CALN1: variants seen among roughly 807,000 people sequenced by gnomAD.
The protein encoded by CALN1 is calneuron 1.
In CALN1, 17 loss-of-function variants were observed where a neutral mutation model predicts 30.6. That is an observed-to-expected ratio of 0.56 (90% CI 0.38 to 0.83). CALN1 has a LOEUF of 0.83. Among genes scored for constraint, CALN1 ranks in the 40% least tolerant of loss-of-function variants. CALN1 has a pLI of 0.00. For missense variants in CALN1, 291 were observed against 354.9 expected (o/e 0.82, Z 1.45); for synonymous variants, 156 against 131.4 (o/e 1.19, Z -1.28).
intron 5 of CALN1, among the ~76,000 whole-genome samples, chr7:71,840,089 G>A (rs756488491): frequency 7.9e-5 from 12 of 152,148 alleles, no homozygotes; most frequent in Non-Finnish European, 1.5e-4. Flanking sequence ...TTTGTTTTCT[G>A]AGATATTTTC....
rs533021660 is a variant in CALN1 at position 72,206,612 on chromosome 7, T to G, written c.244+72074A>C. Among the ~76,000 whole-genome samples the G allele has an allele frequency of 3.4e-4, 52 of 152,302 alleles. No individual in the cohort carries two copies. In the South Asian group the frequency reaches 6.0e-3, roughly 18 times the overall value. On this transcript the variant is annotated intron_variant, in intron 3 of 6. Coordinates refer to ENST00000395275, the MANE Select transcript of CALN1 (RefSeq NM_031468.4). ...CCTTTATTGTGTTTATTCTTTTATT[T>G]ATTTCTTTTCTTGTTTCATTGCCTA...
chr7:71,806,023 G>A (rs890126320), intron 6 of CALN1, among the ~76,000 whole-genome samples: 34 of 152,158 alleles, frequency 2.2e-4, no homozygotes, highest in East Asian at 5.8e-4. Flanking sequence ...ACTCATAAGC[G>A]GGAGCTGAAC....
chr7:71,884,278 G>A (rs1347389434), intron 5 of CALN1, among the ~76,000 whole-genome samples: 1 of 152,018 alleles, frequency 6.6e-6, no homozygotes, highest in African/African-American at 2.4e-5. Context: ...GCATAGACCC[G>A]CCCACCTTGA....
intron 2 of CALN1, among the ~76,000 whole-genome samples, chr7:72,371,457 A>G (rs1804237618): frequency 6.6e-6 from 1 of 152,034 alleles, no homozygotes; most frequent in South Asian, 2.1e-4. Flanking sequence ...ATGAGATCTG[A>G]TGGTTTTATA....
At chr7:72,048,026 C>T (rs1052535653) in intron 4 of CALN1, among the ~76,000 whole-genome samples, 14 of 142,942 alleles carry the variant, frequency 9.8e-5, no homozygotes, top group African/African-American at 3.7e-4. Context: ...ATTCATATTG[C>T]TTCTTCTTCT....
At chr7:72,249,094 G>A (rs528978351) in intron 3 of CALN1, among the ~76,000 whole-genome samples, 1 of 152,250 alleles carries the variant, frequency 6.6e-6, no homozygotes, top group Admixed American at 6.5e-5. Flanking sequence ...TGTGCTAAAA[G>A]GCAACTAGAC....
intron 5 of CALN1, among the ~76,000 whole-genome samples, chr7:71,894,481 G>T (rs1358957862): frequency 6.6e-6 from 1 of 152,144 alleles, no homozygotes; most frequent in Admixed American, 6.5e-5. Context: ...TGCCCAGGTT[G>T]TTCTCAAACT....
At chr7:72,123,582 T>C (rs553382267) in intron 3 of CALN1, among the ~76,000 whole-genome samples, 1 of 152,244 alleles carries the variant, frequency 6.6e-6, no homozygotes, top group Admixed American at 6.5e-5. Context: ...AACTTGAGGG[T>C]AAATCGTGGA....
In CALN1 at chr7:72,437,895, C is replaced by T. The variant is rs146410880; in HGVS notation, c.-226+9147G>A. ...TCCTTCTTTCTTTCCTTCCTTCCTC[C>T]CTCCCTCCCTCCTTCCCTTCCCTCT... On this transcript the variant is annotated intron_variant, in intron 1 of 6. Transcript: ENST00000395276. 3.0e-3 allele frequency among the ~76,000 whole-genome samples: 446 copies of T among 147,218 alleles called. 2 individuals carry two copies. The highest frequency in any genetic ancestry group is 5.5e-3 in the Non-Finnish European group (363 of 66,438).
At chr7:71,834,979 A>C (rs1187546810) in intron 5 of CALN1, among the ~76,000 whole-genome samples, 1 of 152,144 alleles carries the variant, frequency 6.6e-6, no homozygotes, top group African/African-American at 2.4e-5. Context: ...CTATGGGTGC[A>C]CATCACCATG....
intron 4 of CALN1, among the ~76,000 whole-genome samples, chr7:72,053,883 A>G (rs1460938606): frequency 6.6e-6 from 1 of 151,302 alleles, no homozygotes; most frequent in Non-Finnish European, 1.5e-5. Flanking sequence ...GTGAGAACAT[A>G]CGATGCTTAG....
chr7:72,247,001 G>T (rs6963413), intron 3 of CALN1, among the ~76,000 whole-genome samples: 3,765 of 151,920 alleles, frequency 0.025, 59 homozygotes, highest in Non-Finnish European at 0.039. Context: ...TGATCTGCCC[G>T]CCTCGGCCTC....
chr7:72,323,549 G>T (rs911706888), intron 2 of CALN1, among the ~76,000 whole-genome samples: 2 of 151,808 alleles, frequency 1.3e-5, no homozygotes, highest in Non-Finnish European at 2.9e-5. Context: ...TGTAATCCCA[G>T]CTACTCAGGA....
chr7:71,834,284 G>C (rs1789476724), intron 5 of CALN1, among the ~76,000 whole-genome samples: 1 of 104,186 alleles, frequency 9.6e-6, no homozygotes, highest in African/African-American at 3.8e-5. Flanking sequence ...AAATGACACA[G>C]AGTAAAAAGG....
rs956948899 is a variant in CALN1 at position 72,347,027 on chromosome 7, C to T, written c.119+56224G>A. ...AGAGTAAGAGAGGATTAGAGCACAG[C>T]GAATTGTCAAACATGTAACTGAAGT... On this transcript the variant is annotated intron_variant, in intron 2 of 6. Transcript: ENST00000395275. Among the ~76,000 whole-genome samples the T allele has an allele frequency of 3.3e-5, 5 of 151,788 alleles. No individual in the cohort carries two copies. In the South Asian group the frequency reaches 6.3e-4, roughly 19 times the overall value.
At chr7:72,353,459 A>G (rs1041875640) in intron 2 of CALN1, among the ~76,000 whole-genome samples, 4 of 152,184 alleles carry the variant, frequency 2.6e-5, no homozygotes, top group African/African-American at 9.7e-5. Context: ...AATTTATCCT[A>G]TTTATAGAAG....
At chr7:72,459,494 G>A in the CALN1 span, among the ~76,000 whole-genome samples, 1 of 152,020 alleles carries the variant, frequency 6.6e-6, no homozygotes, top group Non-Finnish European at 1.5e-5. Context: ...GCATGGTGGT[G>A]CAGGCCTTAT....
chr7:72,117,490 T>C (rs1027938026), intron 3 of CALN1, among the ~76,000 whole-genome samples: 9 of 152,158 alleles, frequency 5.9e-5, no homozygotes, highest in African/African-American at 1.9e-4. Flanking sequence ...TGGTCAGTTA[T>C]GCCTAAACTC....
At chr7:72,046,014 A>C (rs75095677) in intron 4 of CALN1, among the ~76,000 whole-genome samples, 1 of 151,028 alleles carries the variant, frequency 6.6e-6, no homozygotes, top group African/African-American at 2.4e-5. Flanking sequence ...AAAAAAAAAA[A>C]AAGGATTCAG....
Sources: gnomAD v4.1 joint callset for allele counts (sites outside exome capture counted in the v4.1 genomes callset) on GRCh38, gnomAD v4.1.1 for gene constraint, MANE v1.5 for transcripts, NCBI Gene and HGNC (gene_info 2026-07-23, HGNC 2026-07-21) for gene names.